CACNA1B: variants seen among roughly 807,000 people sequenced by gnomAD.
CACNA1B encodes the protein calcium voltage-gated channel subunit alpha1 B.
CACNA1B carries 70 observed loss-of-function variants against 247.2 expected under a neutral mutation model. The ratio of observed to expected loss-of-function variants is 0.28; its 90% confidence interval spans 0.23 to 0.35. The LOEUF (loss-of-function observed/expected upper bound fraction) is 0.35, where lower values mean the gene tolerates loss of function less well. Ranked by LOEUF, CACNA1B falls within the 10% of genes least tolerant of loss-of-function variation. The probability of loss-of-function intolerance (pLI) is 1.00; values close to 1 mark genes in which losing one functional copy is unlikely to be tolerated. For synonymous variants in CACNA1B, 1,231 were observed against 1,294.4 expected (o/e 0.95, Z 1.05); for missense variants, 2,367 against 3,197.4 (o/e 0.74, Z 6.26).
Position 138,073,473 on chromosome 9 carries a change from T to A in CACNA1B, c.4675-15T>A. Reference sequence around the variant, plus strand: ...GGGCTTCTGAAGGTCAGAGAACAATTCCTCTTCTCTGCAGAACAATTTCAT... The same window carrying A: ...GGGCTTCTGAAGGTCAGAGAACAATACCTCTTCTCTGCAGAACAATTTCAT... On this transcript the variant is annotated splice_polypyrimidine_tract_variant and intron_variant, in intron 32 of 46. Transcript: ENST00000371372. The surrounding 1 kb of genome is among the most constrained non-coding windows in gnomAD (Gnocchi z 6.4). 6.5e-7 allele frequency: 1 copy of A among 1,546,046 alleles called. No homozygotes were observed. The highest frequency in any genetic ancestry group is 1.1e-5 in the South Asian group (1 of 89,676).
chr9:138,046,002 C>T (rs1475982531), intron 21 of CACNA1B, among the ~76,000 whole-genome samples: 1 of 152,182 alleles, frequency 6.6e-6, no homozygotes, highest in Non-Finnish European at 1.5e-5. Context: ...TGGGGGCCGT[C>T]TGCCCCACCT....
intron 36 of CACNA1B, among the ~76,000 whole-genome samples, chr9:138,088,129 G>C (rs1960760723): frequency 1.3e-5 from 2 of 152,156 alleles, no homozygotes; most frequent in Admixed American, 6.5e-5. Context: ...AGCACTTTGG[G>C]AGGCCGTGGC....
At chr9:137,894,390 T>C (rs1957147963) in intron 3 of CACNA1B, among the ~76,000 whole-genome samples, 3 of 151,528 alleles carry the variant, frequency 2.0e-5, no homozygotes. Flanking sequence ...TGGACGTCTT[T>C]TCATGTGGTT....
chr9:137,920,130 G>C (rs902608842), intron 6 of CACNA1B, among the ~76,000 whole-genome samples: 13 of 152,204 alleles, frequency 8.5e-5, no homozygotes, highest in African/African-American at 3.1e-4. Context: ...TGGCAGGCCA[G>C]CCAGCGAGAG....
chr9:138,030,949 G>A (rs1958980797), intron 20 of CACNA1B, among the ~76,000 whole-genome samples: 2 of 151,988 alleles, frequency 1.3e-5, no homozygotes, highest in Admixed American at 1.3e-4. Flanking sequence ...TTCTTTGTGA[G>A]TCTTACGAGG....
chr9:138,113,115 A>C (rs574740953), intron 40 of CACNA1B, among the ~76,000 whole-genome samples: 13 of 135,674 alleles, frequency 9.6e-5, no homozygotes, highest in African/African-American at 3.7e-4. Context: ...GCCCAACTCC[A>C]TCTTGTGGGA....
intron 13 of CACNA1B, among the ~76,000 whole-genome samples, chr9:137,985,247 C>G (rs1448401248): frequency 6.6e-6 from 1 of 152,208 alleles, no homozygotes; most frequent in East Asian, 1.9e-4. Context: ...GGATATGAAG[C>G]TATAAAGGCA....
Position 138,023,023 on chromosome 9 carries a change from C to G in CACNA1B, c.2280C>G (p.Asn760Lys). ...ANISIAARQQ[N>K]SAKARSVWEQ... ...AGTCTCCCCGCAGCAGGCAGCAGAACTCGGCCAAGGCGCGCTCGGTGTGGG... is the reference window on the plus strand; with the variant it reads ...AGTCTCCCCGCAGCAGGCAGCAGAAGTCGGCCAAGGCGCGCTCGGTGTGGG... Residue 760 changes from asparagine to lysine, a missense_variant, in exon 19 of 47, where the codon AAC becomes AAG. Asn to Lys is a moderately conservative substitution (Grantham distance 94, BLOSUM62 0). Coordinates refer to ENST00000371372, the MANE Select transcript of CACNA1B (RefSeq NM_000718.4). 3 of 1,514,612 alleles carry G rather than the reference C, an allele frequency of 2.0e-6. 1 individual carries two copies. The South Asian group carries it at 3.7e-5, about 18-fold the overall frequency. 93.8% of individuals were successfully genotyped at this position (1,514,612 alleles called of 1,614,324 possible).
intron 31 of CACNA1B, among the ~76,000 whole-genome samples, chr9:138,064,589 C>T (rs978045375): frequency 3.9e-5 from 6 of 152,166 alleles, no homozygotes; most frequent in South Asian, 4.1e-4. Context: ...GCCGATTAGC[C>T]GAAGCAGCAT....
intron 18 of CACNA1B, among the ~76,000 whole-genome samples, chr9:138,016,917 C>T (rs1958800029): frequency 6.6e-6 from 1 of 152,222 alleles, no homozygotes; most frequent in Admixed American, 6.5e-5. Flanking sequence ...TTTGCTGTCT[C>T]ACTTCAGTCT....
intron 20 of CACNA1B, among the ~76,000 whole-genome samples, chr9:138,043,179 T>C (rs1167769835): frequency 6.6e-6 from 1 of 151,980 alleles, no homozygotes; most frequent in Non-Finnish European, 1.5e-5. Context: ...CGGTAGAGGA[T>C]GGGCCCTCGG....
chr9:138,013,048 A>C, intron 17 of CACNA1B, 81 bp from the exon 18 acceptor site: 40 of 1,008,382 alleles, frequency 4.0e-5, no homozygotes, highest in East Asian at 7.6e-5. Context: ...CCCTGGAGGA[A>C]GAGCTGATGT....
Position 138,010,317 on chromosome 9 carries a change from G to C in CACNA1B, c.2160+240G>C, listed in dbSNP as rs1353435184. Among the ~76,000 whole-genome samples the C allele has an allele frequency of 6.6e-6, 1 of 152,214 alleles. No homozygotes were observed. Among genetic ancestry groups the C allele is most frequent in the African/African-American group, 2.4e-5 (1 of 41,444 alleles). On this transcript the variant is annotated intron_variant, in intron 17 of 46. Coordinates refer to ENST00000371372, the MANE Select transcript of CACNA1B (RefSeq NM_000718.4). The surrounding 1 kb of genome is among the most constrained non-coding windows in gnomAD (Gnocchi z 5.3). ...CAGGGAAGCCAGCACAGGGAAGAAT[G>C]GCCTGAACGGCAGGGTGTGCTGGGA...
chr9:137,942,501 A>T (rs1021556545), intron 6 of CACNA1B, among the ~76,000 whole-genome samples: 1 of 152,220 alleles, frequency 6.6e-6, no homozygotes, highest in Non-Finnish European at 1.5e-5. Flanking sequence ...AATAAGTCAT[A>T]TGAAACAGAG....
At chr9:138,000,284 G>C (rs1958555742) in intron 15 of CACNA1B, among the ~76,000 whole-genome samples, 1 of 152,078 alleles carries the variant, frequency 6.6e-6, no homozygotes, top group Non-Finnish European at 1.5e-5. Context: ...ATTTTTAGTA[G>C]AGACAGGGTT....
In CACNA1B at chr9:138,058,302, C is replaced by T. The variant is rs1007271162; in HGVS notation, c.4308+52C>T. On this transcript the variant is annotated intron_variant, in intron 28 of 46. Transcript: ENST00000371372. The surrounding 1 kb of genome is among the most constrained non-coding windows in gnomAD (Gnocchi z 4.7). ...CAGTGGACAGCGTGGGCAGCGCCATCAGGCTTCCCTCCTGCACACAAATCA... is the reference window on the plus strand; with the variant it reads ...CAGTGGACAGCGTGGGCAGCGCCATTAGGCTTCCCTCCTGCACACAAATCA... 14 of 1,431,734 alleles carry T rather than the reference C, an allele frequency of 9.8e-6. No individual in the cohort carries two copies. Among genetic ancestry groups the T allele is most frequent in the Admixed American group, 3.3e-5 (2 of 59,728 alleles). 88.7% of individuals were successfully genotyped at this position (1,431,734 alleles called of 1,614,324 possible). A position where few individuals can be genotyped will look rare whatever the true frequency, so the allele number is the denominator to read the frequency against.
At chr9:137,939,348 G>A (rs1424334098) in intron 6 of CACNA1B, among the ~76,000 whole-genome samples, 1 of 152,096 alleles carries the variant, frequency 6.6e-6, no homozygotes, top group Non-Finnish European at 1.5e-5. Context: ...TAAGAAAATT[G>A]AAATTATATC....
At chr9:137,883,107 A>G (rs1956951990) in intron 3 of CACNA1B, 2 of 563,390 alleles carry the variant, frequency 3.5e-6, no homozygotes, top group Non-Finnish European at 6.3e-6. Context: ...GACGGATCAC[A>G]GTGACCTGTC....
At chr9:138,066,830 AAGTT>A (rs1321178496) in intron 31 of CACNA1B, among the ~76,000 whole-genome samples, 4 of 152,220 alleles carry the variant, frequency 2.6e-5, no homozygotes, top group African/African-American at 9.6e-5. Flanking sequence ...CTAACTTTAA[AAGTT>A]AGAAAAAGAA....
Sources: allele counts gnomAD v4.1 joint callset (sites outside exome capture counted in the v4.1 genomes callset), GRCh38; gene constraint gnomAD v4.1.1; non-coding constraint Gnocchi (gnomAD v3.1); transcripts MANE v1.5; gene names NCBI Gene and HGNC (gene_info 2026-07-23, HGNC 2026-07-21).